ARHGAP6: variants seen among roughly 807,000 people sequenced by gnomAD.
The protein encoded by ARHGAP6 is rho GTPase-activating protein 6.
ARHGAP6 carries 16 observed loss-of-function variants against 55.7 expected under a neutral mutation model. The ratio of observed to expected loss-of-function variants is 0.29; its 90% confidence interval spans 0.19 to 0.44. The LOEUF (loss-of-function observed/expected upper bound fraction) is 0.44, where lower values mean the gene tolerates loss of function less well. Among genes scored for constraint, ARHGAP6 ranks in the 20% least tolerant of loss-of-function variants. The pLI is 1.00. For synonymous variants in ARHGAP6, 382 were observed against 360.9 expected, an observed-to-expected ratio of 1.06 and a Z score of -0.66; for missense variants, 698 against 808.9, an observed-to-expected ratio of 0.86 and a Z score of 1.66.
chrX:11,319,478 C>T (rs1276364022), intron 1 of ARHGAP6, among the ~76,000 whole-genome samples: 1 of 111,663 alleles, frequency 9.0e-6, no homozygotes, highest in Non-Finnish European at 1.9e-5. Flanking sequence ...CTGATGGTTC[C>T]GGGATTACAC....
chrX:11,315,360 A>T (rs1383901739), intron 1 of ARHGAP6, among the ~76,000 whole-genome samples: 1 of 111,958 alleles, frequency 8.9e-6, no homozygotes, highest in Non-Finnish European at 1.9e-5. Flanking sequence ...AGTTCACAAT[A>T]GAGTTAGCGC....
chrX:11,413,446 C>A (rs1406173622), intron 1 of ARHGAP6, among the ~76,000 whole-genome samples: 1 of 112,310 alleles, frequency 8.9e-6, no homozygotes, highest in African/African-American at 3.2e-5. Context: ...TAAGACAGGG[C>A]TACTTCCTTT....
chrX:11,408,280 C>T (rs749898048), intron 1 of ARHGAP6, among the ~76,000 whole-genome samples: 1 of 110,666 alleles, frequency 9.0e-6, no homozygotes, highest in East Asian at 2.9e-4. Context: ...TAACAAAAAT[C>T]GCAACCAGAT....
At chrX:11,483,654 T>C (rs1439820077) in intron 1 of ARHGAP6, among the ~76,000 whole-genome samples, 1 of 111,156 alleles carries the variant, frequency 9.0e-6, no homozygotes, top group Non-Finnish European at 1.9e-5. Flanking sequence ...GTTTTTTTTT[T>C]TTCTTTTCTT....
chrX:11,543,416 A>G (rs2051180390), intron 1 of ARHGAP6, among the ~76,000 whole-genome samples: 1 of 112,681 alleles, frequency 8.9e-6, no homozygotes, highest in African/African-American at 3.2e-5. Flanking sequence ...AGTTGTCACA[A>G]TTCAGAGGGG....
At chrX:11,332,195 T>A (rs766254459) in intron 1 of ARHGAP6, among the ~76,000 whole-genome samples, 42 of 112,031 alleles carry the variant, frequency 3.7e-4, no homozygotes, top group Non-Finnish European at 7.5e-4. Context: ...CAAGCTACTC[T>A]TAGATCCATC....
chrX:11,180,922 C>A (rs1331552891), intron 6 of ARHGAP6, among the ~76,000 whole-genome samples: 3 of 112,482 alleles, frequency 2.7e-5, no homozygotes, highest in Non-Finnish European at 5.6e-5. Flanking sequence ...ATGGAACATG[C>A]AAAGAGTTTG....
chrX:11,411,222 T>TATATATAAAA (rs1385399573), intron 1 of ARHGAP6, among the ~76,000 whole-genome samples: 1 of 79,554 alleles, frequency 1.3e-5, no homozygotes, highest in Non-Finnish European at 2.4e-5. Flanking sequence ...TATATATATA[T>TATATATAAAA]AAAATATACA....
intron 1 of ARHGAP6, among the ~76,000 whole-genome samples, chrX:11,283,496 T>G (rs2047884700): frequency 8.9e-6 from 1 of 112,325 alleles, no homozygotes; most frequent in Admixed American, 9.4e-5. Context: ...CCCCAAAATA[T>G]GTCCACATCC....
chrX:11,318,019 C>G (rs891641762), intron 1 of ARHGAP6, among the ~76,000 whole-genome samples: 2 of 112,126 alleles, frequency 1.8e-5, no homozygotes, highest in Non-Finnish European at 3.8e-5. Context: ...GTGTTAAAAG[C>G]AAAAGGAAAT....
At position 11,274,640 on chromosome X, in the gene ARHGAP6, A is replaced by G. The variant is rs1461239210; in HGVS notation, c.589-19933T>C. ...CTGTTTCTTTTTTTAATTAATTTTA[A>G]GTTCCAGGGTACATGTGCAGGATGT... On this transcript the variant is annotated intron_variant, in intron 1 of 12. Transcript: ENST00000337414. Among the ~76,000 whole-genome samples, 7 of 111,179 alleles carry G rather than the reference A, an allele frequency of 6.3e-5. No homozygotes were observed. The East Asian group carries it at 2.0e-3, about 31-fold the overall frequency.
chrX:11,520,641 T>C (rs909188161), intron 1 of ARHGAP6, among the ~76,000 whole-genome samples: 10 of 111,511 alleles, frequency 9.0e-5, no homozygotes, highest in South Asian at 3.8e-4. Context: ...TGTGTCTTTA[T>C]AGCAGCATGA....
rs1569241603 is a variant in ARHGAP6 at position 11,174,641 on chromosome X, T to TTTCTG, written c.1629+3458_1629+3459insCAGAA. Reference sequence around the variant, plus strand: ...CTCTTTCTTTTCTTTCTTTCTTTCTTTCTTTCTTTCTTTCTTTCTTTCTTT... The same window carrying TTTCTG: ...CTCTTTCTTTTCTTTCTTTCTTTCTTTTCTGTCTTTCTTTCTTTCTTTCTTTCTTT... On this transcript the variant is annotated intron_variant, in intron 8 of 12. Coordinates refer to ENST00000337414, the MANE Select transcript of ARHGAP6 (RefSeq NM_013427.3). Among the ~76,000 whole-genome samples, 12 of 79,722 alleles carry TTTCTG rather than the reference T, an allele frequency of 1.5e-4. 1 individual carries two copies. The highest frequency in any genetic ancestry group is 6.4e-4 in the African/African-American group (12 of 18,692). The allele number at this position is 79,722 out of a possible 115,157, so 69.2% of individuals were successfully genotyped here. A position where few individuals can be genotyped will look rare whatever the true frequency, so the allele number is the denominator to read the frequency against.
chrX:11,429,338 A>G (rs961056767), intron 1 of ARHGAP6, among the ~76,000 whole-genome samples: 1 of 111,660 alleles, frequency 9.0e-6, no homozygotes, highest in Non-Finnish European at 1.9e-5. Flanking sequence ...GGAAGGTGGT[A>G]TTGACTAGGA....
chrX:11,509,092 G>T (rs139621595), intron 1 of ARHGAP6, among the ~76,000 whole-genome samples: 3 of 111,517 alleles, frequency 2.7e-5, no homozygotes, highest in African/African-American at 9.8e-5. Flanking sequence ...ACAAGTGATC[G>T]ATCTACTTAC....
intron 6 of ARHGAP6, among the ~76,000 whole-genome samples, chrX:11,181,091 C>G (rs929584389): frequency 8.9e-6 from 1 of 111,913 alleles, no homozygotes; most frequent in Non-Finnish European, 1.9e-5. Flanking sequence ...CAATTCTGCA[C>G]AGAAATGTTA....
chrX:11,351,435 C>A (rs1238342222), intron 1 of ARHGAP6: 3 of 969,117 alleles, frequency 3.1e-6, no homozygotes, highest in Non-Finnish European at 2.6e-6. Context: ...AGGCCAGGAA[C>A]AGGGCAGGCT....
In ARHGAP6 at chrX:11,197,867, T is replaced by C. The variant is rs990397715; in HGVS notation, c.749-871A>G. 2.4e-4 allele frequency among the ~76,000 whole-genome samples: 27 copies of C among 111,828 alleles called. 1 individual carries two copies. The highest frequency in any genetic ancestry group is 4.3e-4 in the Non-Finnish European group (23 of 53,193). ...GCATTCATCATTGCCAGAATGCGTTTTGAGGTTATGCAGCTGTCAACTTAG... is the reference window on the plus strand; with the variant it reads ...GCATTCATCATTGCCAGAATGCGTTCTGAGGTTATGCAGCTGTCAACTTAG... On this transcript the variant is annotated intron_variant, in intron 2 of 12. Transcript: ENST00000337414.
intron 1 of ARHGAP6, among the ~76,000 whole-genome samples, chrX:11,488,199 T>C (rs1036259580): frequency 3.6e-5 from 4 of 111,707 alleles, no homozygotes; most frequent in African/African-American, 9.8e-5. Context: ...ACAAAGGAGA[T>C]TACTTAGACA....
Sources: allele counts gnomAD v4.1 joint callset (sites outside exome capture counted in the v4.1 genomes callset), GRCh38; gene constraint gnomAD v4.1.1; transcripts MANE v1.5; gene names NCBI Gene and HGNC (gene_info 2026-07-23, HGNC 2026-07-21).